Variants in GRID1 observed in about 807,000 individuals in gnomAD.
GRID1 encodes the protein glutamate ionotropic receptor delta type subunit 1.
A neutral mutation model predicts 98.0 loss-of-function variants in GRID1; 28 were observed. That is an observed-to-expected ratio of 0.29 (90% CI 0.21 to 0.39). The LOEUF is 0.39. Ranked by LOEUF, GRID1 falls within the 10% of genes least tolerant of loss-of-function variation. The pLI is 1.00. For missense variants in GRID1, 1,111 were observed against 1,340.5 expected, an observed-to-expected ratio of 0.83 and a Z score of 2.67; for synonymous variants, 553 against 538.5, an observed-to-expected ratio of 1.03 and a Z score of -0.37.
At chr10:85,639,967 G>A (rs371369961) in intron 13 of GRID1, among the ~76,000 whole-genome samples, 2 of 152,148 alleles carry the variant, frequency 1.3e-5, no homozygotes, top group South Asian at 2.1e-4. Flanking sequence ...TGCTACAATC[G>A]ACACTGGATG....
intron 4 of GRID1, among the ~76,000 whole-genome samples, chr10:86,047,274 C>T (rs1480715588): frequency 1.3e-5 from 2 of 152,216 alleles, no homozygotes; most frequent in Admixed American, 1.3e-4. Context: ...ACAGGCAGAA[C>T]TGTAATCCAC....
At chr10:85,651,545 ATACCT>A (rs1843271653) in intron 12 of GRID1, among the ~76,000 whole-genome samples, 1 of 152,308 alleles carries the variant, frequency 6.6e-6, no homozygotes, top group African/African-American at 2.4e-5. Flanking sequence ...GGCACTCAGG[ATACCT>A]AAAAGGATGA....
chr10:86,193,621 G>C (rs1042955720), intron 3 of GRID1, among the ~76,000 whole-genome samples: 1 of 152,050 alleles, frequency 6.6e-6, no homozygotes, highest in Non-Finnish European at 1.5e-5. Context: ...CAGTTGGAAA[G>C]TTCCTTGACA....
chr10:85,987,162 T>C (rs951009568), intron 4 of GRID1, among the ~76,000 whole-genome samples: 5 of 152,124 alleles, frequency 3.3e-5, no homozygotes, highest in African/African-American at 1.2e-4. Context: ...CCCAGCCCAG[T>C]AGCCTCAGGG....
At chr10:85,637,749 G>C (rs574109739) in intron 13 of GRID1, among the ~76,000 whole-genome samples, 14 of 152,284 alleles carry the variant, frequency 9.2e-5, no homozygotes, top group Admixed American at 9.2e-4. Flanking sequence ...AAAAGGAGTT[G>C]AGGCTTATAG....
intron 4 of GRID1, among the ~76,000 whole-genome samples, chr10:85,994,586 C>T (rs12773130): frequency 0.14 from 21,527 of 152,162 alleles, 1,610 homozygotes; most frequent in Middle Eastern, 0.17. Context: ...GAGGTCCATT[C>T]TGGTTGGAAT....
At chr10:85,951,519 C>A (rs1260822240) in intron 4 of GRID1, among the ~76,000 whole-genome samples, 1 of 152,196 alleles carries the variant, frequency 6.6e-6, no homozygotes, top group Non-Finnish European at 1.5e-5. Context: ...AAGCTCAAAT[C>A]TCTCCAGGTT....
intron 4 of GRID1, among the ~76,000 whole-genome samples, chr10:86,026,282 A>G (rs112347653): frequency 3.3e-5 from 5 of 152,338 alleles, no homozygotes; most frequent in African/African-American, 1.2e-4. Context: ...ACACGCATAC[A>G]TATTGCTCTT....
chr10:86,212,261 G>A (rs972415072), intron 2 of GRID1, among the ~76,000 whole-genome samples: 5 of 152,298 alleles, frequency 3.3e-5, no homozygotes, highest in East Asian at 1.9e-4. Context: ...TGGAGGCATC[G>A]CTCCGCAGGC....
At chr10:86,219,272 C>T (rs1034194298) in intron 2 of GRID1, among the ~76,000 whole-genome samples, 8 of 152,212 alleles carry the variant, frequency 5.3e-5, no homozygotes, top group African/African-American at 1.9e-4. Context: ...GGGCTCTTGA[C>T]CCAGAACCCC....
intron 4 of GRID1, among the ~76,000 whole-genome samples, chr10:86,064,667 C>T (rs560103151): frequency 6.6e-6 from 1 of 152,304 alleles, no homozygotes; most frequent in South Asian, 2.1e-4. Context: ...TACCTCTCAC[C>T]TCTCCGACAA....
At chr10:85,995,503 G>C (rs1368557836) in intron 4 of GRID1, among the ~76,000 whole-genome samples, 1 of 152,222 alleles carries the variant, frequency 6.6e-6, no homozygotes, top group African/African-American at 2.4e-5. Context: ...AAGGAACACT[G>C]ACTAGGTGTA....
chr10:86,102,308 G>C (rs1297503365), intron 4 of GRID1, among the ~76,000 whole-genome samples: 3 of 152,368 alleles, frequency 2.0e-5, no homozygotes, highest in Non-Finnish European at 4.4e-5. Context: ...ATAGCCATTG[G>C]GGTGGTGAGA....
At chr10:86,111,105 C>CCTTA (rs1844474970) in intron 4 of GRID1, among the ~76,000 whole-genome samples, 1 of 152,172 alleles carries the variant, frequency 6.6e-6, no homozygotes, top group Admixed American at 6.5e-5. Flanking sequence ...CCTGTAGGCC[C>CCTTA]CTTATGTTTC....
intron 12 of GRID1, among the ~76,000 whole-genome samples, chr10:85,685,055 T>A (rs1841253466): frequency 6.6e-6 from 1 of 152,210 alleles, no homozygotes. Flanking sequence ...ACAGCACCCA[T>A]GATAGCTTTT....
In GRID1 at chr10:86,202,753, C is replaced by T. The variant is rs546709397; in HGVS notation, c.520+3611G>A. ...CTGGCTCAAATGCCCAGTCCTCAGG[C>T]TCTACCTGGGGCAGGACATTCCAGG... On this transcript the variant is annotated intron_variant, in intron 3 of 15. Coordinates refer to ENST00000327946, the MANE Select transcript of GRID1 (RefSeq NM_017551.3). 1.4e-4 allele frequency among the ~76,000 whole-genome samples: 22 copies of T among 152,332 alleles called. No homozygotes were observed. The East Asian group carries it at 4.3e-3, about 29-fold the overall frequency.
chr10:85,923,114 C>T (rs1007193256), intron 4 of GRID1, among the ~76,000 whole-genome samples: 2 of 123,416 alleles, frequency 1.6e-5, no homozygotes, highest in African/African-American at 3.5e-5. Flanking sequence ...TTGTCCCAAG[C>T]CTTTCCCAGG....
intron 2 of GRID1, among the ~76,000 whole-genome samples, chr10:86,267,358 C>A (rs964114821): frequency 4.6e-5 from 7 of 152,252 alleles, no homozygotes; most frequent in African/African-American, 1.7e-4. Context: ...ACAAGGACAA[C>A]AGCGGTGATG....
chr10:85,852,765 A>T (rs1475921934), intron 8 of GRID1, among the ~76,000 whole-genome samples: 2 of 152,090 alleles, frequency 1.3e-5, no homozygotes, highest in Non-Finnish European at 2.9e-5. Context: ...CTGACCACTC[A>T]TGCCCATCCC....
Sources: gnomAD v4.1 joint callset for allele counts (sites outside exome capture counted in the v4.1 genomes callset) on GRCh38, gnomAD v4.1.1 for gene constraint, MANE v1.5 for transcripts, NCBI Gene and HGNC (gene_info 2026-07-23, HGNC 2026-07-21) for gene names.